Variants in ITFG1 observed in about 807,000 individuals in gnomAD.
The protein encoded by ITFG1 is integrin alpha FG-GAP repeat containing 1, also known as T-cell immunomodulatory protein.
Under a neutral mutation model 81.8 loss-of-function variants are expected in ITFG1, and 34 were observed. That is an observed-to-expected ratio of 0.42 (90% confidence interval 0.32 to 0.55). The LOEUF (loss-of-function observed/expected upper bound fraction) is 0.55, where lower values mean the gene tolerates loss of function less well. Ranked by LOEUF, ITFG1 falls within the 20% of genes least tolerant of loss-of-function variation. The pLI is 0.17. For synonymous variants in ITFG1, 285 were observed against 270.6 expected, an observed-to-expected ratio of 1.05 and a Z score of -0.52; for missense variants, 672 against 755.4, an observed-to-expected ratio of 0.89 and a Z score of 1.29.
At chr16:47,312,506 G>GT (rs61088395) in intron 9 of ITFG1, 7 of 151,630 alleles carry the variant, frequency 4.6e-5, no homozygotes, top group East Asian at 1.9e-4. Context: ...CAGAAAATGA[G>GT]TTTTTTTAAA....
At chr16:47,319,182 A>G in intron 8 of ITFG1, among the ~76,000 whole-genome samples, 1 of 152,232 alleles carries the variant, frequency 6.6e-6, no homozygotes, top group East Asian at 1.9e-4. Context: ...TCATTATATC[A>G]TATCAAAAAT....
chr16:47,370,976 T>C (rs1223805760), intron 7 of ITFG1, among the ~76,000 whole-genome samples: 3 of 152,370 alleles, frequency 2.0e-5, no homozygotes, highest in Non-Finnish European at 2.9e-5. Flanking sequence ...AAATTATTCC[T>C]AGTTAGCTGC....
intron 6 of ITFG1, among the ~76,000 whole-genome samples, chr16:47,423,894 C>T (rs965188969): frequency 6.6e-6 from 1 of 152,152 alleles, no homozygotes; most frequent in Non-Finnish European, 1.5e-5. Flanking sequence ...GTGAATCTGA[C>T]AATTATGTGT....
At chr16:47,404,800 A>G (rs1231569418) in intron 6 of ITFG1, among the ~76,000 whole-genome samples, 3 of 152,170 alleles carry the variant, frequency 2.0e-5, no homozygotes, top group African/African-American at 7.2e-5. Flanking sequence ...ACTTGTAATC[A>G]AAGCAGTCTT....
At chr16:47,348,439 T>C (rs983403954) in intron 8 of ITFG1, among the ~76,000 whole-genome samples, 5 of 152,078 alleles carry the variant, frequency 3.3e-5, no homozygotes, top group African/African-American at 1.2e-4. Context: ...CTGATTCCAT[T>C]AACTGGAAGA....
chr16:47,431,108 T>C (rs1045417678), intron 5 of ITFG1, among the ~76,000 whole-genome samples: 4 of 152,240 alleles, frequency 2.6e-5, no homozygotes, highest in Non-Finnish European at 4.4e-5. Flanking sequence ...ATTCCATTTA[T>C]GTGAAATATT....
chr16:47,331,734 T>C (rs1275979998), intron 8 of ITFG1, among the ~76,000 whole-genome samples: 2 of 152,166 alleles, frequency 1.3e-5, no homozygotes. Context: ...AAATAGCCTT[T>C]TGAAAAATAA....
intron 8 of ITFG1, among the ~76,000 whole-genome samples, chr16:47,341,428 A>G (rs1180735523): frequency 6.7e-6 from 1 of 150,166 alleles, no homozygotes; most frequent in Non-Finnish European, 1.5e-5. Context: ...AAAAAAAAAA[A>G]GAAAATACTT....
chr16:47,430,637 C>G (rs868714744), intron 5 of ITFG1, among the ~76,000 whole-genome samples: 1 of 152,042 alleles, frequency 6.6e-6, no homozygotes, highest in African/African-American at 2.4e-5. Context: ...TTCTCTTTTA[C>G]AAATATTAAT....
At chr16:47,448,491 T>G (rs1008287358) in intron 5 of ITFG1, 1 of 152,182 alleles carries the variant, frequency 6.6e-6, no homozygotes, top group African/African-American at 2.4e-5. Context: ...TCACTTGTGA[T>G]GTAAACAGTG....
intron 5 of ITFG1, among the ~76,000 whole-genome samples, chr16:47,436,473 G>A (rs187391920): frequency 3.7e-4 from 56 of 152,034 alleles, no homozygotes; most frequent in East Asian, 2.7e-3. Flanking sequence ...TATTGGAAAC[G>A]CATTTTTAAG....
At chr16:47,239,350 G>A (rs1421649094) in intron 12 of ITFG1, among the ~76,000 whole-genome samples, 1 of 151,988 alleles carries the variant, frequency 6.6e-6, no homozygotes, top group African/African-American at 2.4e-5. Flanking sequence ...ACAGGTGCAC[G>A]CCACCACACC....
At chr16:47,276,306 C>G (rs1164460747) in intron 10 of ITFG1, among the ~76,000 whole-genome samples, 1 of 151,996 alleles carries the variant, frequency 6.6e-6, no homozygotes, top group Non-Finnish European at 1.5e-5. Flanking sequence ...AATGAAATCT[C>G]TAAGTTTTAA....
chr16:47,274,779 A>G (rs1452926893), intron 10 of ITFG1, among the ~76,000 whole-genome samples: 2 of 152,184 alleles, frequency 1.3e-5, no homozygotes, highest in Non-Finnish European at 2.9e-5. Flanking sequence ...CAAGCTGTTG[A>G]AGACGTAGAG....
chr16:47,213,861 T>A (rs1367752975), intron 14 of ITFG1, among the ~76,000 whole-genome samples: 1 of 152,218 alleles, frequency 6.6e-6, no homozygotes, highest in African/African-American at 2.4e-5. Flanking sequence ...AATATCTTTA[T>A]AATAAGCCAG....
chr16:47,383,684 T>A (rs571654403), intron 6 of ITFG1, among the ~76,000 whole-genome samples: 1 of 152,340 alleles, frequency 6.6e-6, no homozygotes, highest in African/African-American at 2.4e-5. Context: ...GGTGGTTGGA[T>A]CACCTGAAGT....
intron 5 of ITFG1, among the ~76,000 whole-genome samples, chr16:47,433,014 T>C (rs1318343605): frequency 6.6e-6 from 1 of 152,232 alleles, no homozygotes; most frequent in African/African-American, 2.4e-5. Context: ...TAAAGCTCAA[T>C]GAGGTTGATC....
At chr16:47,428,487 T>C (rs1009807592) in intron 6 of ITFG1, among the ~76,000 whole-genome samples, 1 of 152,104 alleles carries the variant, frequency 6.6e-6, no homozygotes, top group Non-Finnish European at 1.5e-5. Flanking sequence ...TTGTAGCACA[T>C]ATTATTTTAA....
At chr16:47,290,318 G>C (rs1482806365) in intron 10 of ITFG1, among the ~76,000 whole-genome samples, 1 of 152,134 alleles carries the variant, frequency 6.6e-6, no homozygotes, top group African/African-American at 2.4e-5. Flanking sequence ...GTAAATGTCT[G>C]TTAGGTCCAT....
Sources: allele counts gnomAD v4.1 joint callset (sites outside exome capture counted in the v4.1 genomes callset), GRCh38; gene constraint gnomAD v4.1.1; transcripts MANE v1.5; gene names NCBI Gene and HGNC (gene_info 2026-07-23, HGNC 2026-07-21).